Variants in KIAA1614 observed in about 807,000 individuals in gnomAD.
KIAA1614 encodes the protein KIAA1614.
In KIAA1614, 76 loss-of-function variants were observed where a neutral mutation model predicts 88.7. The ratio of observed to expected loss-of-function variants is 0.86; its 90% CI spans 0.71 to 1.04. The LOEUF (loss-of-function observed/expected upper bound fraction) is 1.04, where lower values mean the gene tolerates loss of function less well. KIAA1614 is among the 50% of genes least tolerant of loss of function. KIAA1614 has a pLI of 0.00. For missense variants in KIAA1614, 1,553 were observed against 1,582.5 expected, an observed-to-expected ratio of 0.98 and a Z score of 0.32; for synonymous variants, 714 against 675.5, an observed-to-expected ratio of 1.06 and a Z score of -0.88.
chr1:180,927,994 G>A (rs1010870313), intron 3 of KIAA1614, among the ~76,000 whole-genome samples: 3 of 152,206 alleles, frequency 2.0e-5, no homozygotes, highest in African/African-American at 7.2e-5. Flanking sequence ...AGAGACAGAA[G>A]GAGAGAGAGG....
chr1:180,943,548 A>ATGTTTTTTTTT (rs201999726), intron 7 of KIAA1614, among the ~76,000 whole-genome samples: 1 of 74,862 alleles, frequency 1.3e-5, no homozygotes, highest in African/African-American at 5.6e-5. Context: ...ATGGTAGTAG[A>ATGTTTTTTTTT]TCTTTTTTTT....
chr1:180,940,639 C>T (rs949705237), intron 6 of KIAA1614, among the ~76,000 whole-genome samples: 2 of 151,556 alleles, frequency 1.3e-5, no homozygotes, highest in Admixed American at 6.6e-5. Context: ...TCTTTCTTTT[C>T]TTTTCTTTTC....
intron 3 of KIAA1614, among the ~76,000 whole-genome samples, chr1:180,927,457 G>A (rs1329727516): frequency 6.6e-6 from 1 of 152,220 alleles, no homozygotes; most frequent in Admixed American, 6.5e-5. Context: ...TGCAATTGAC[G>A]TTCGACCTTG....
rs1180328581 is a variant in KIAA1614, at chr1:180,946,264, C to A, written c.*676C>A. ...CCTCCGGCTGTGGAGTATGTCTGGG[C>A]ACGTGGAGCATGCCTGTCTGTCTCT... On this transcript the variant is annotated 3_prime_UTR_variant, in exon 9 of 9. Coordinates refer to ENST00000367588, the MANE Select transcript of KIAA1614 (RefSeq NM_020950.2). 6.6e-6 allele frequency: 1 copy of A among 152,242 alleles called. No individual in the cohort carries two copies. Among genetic ancestry groups the A allele is most frequent in the Non-Finnish European group, 1.5e-5 (1 of 68,102 alleles). The allele number at this position is 152,242 out of a possible 1,614,324, so 9.4% of individuals were successfully genotyped here. A position where few individuals can be genotyped will look rare whatever the true frequency, so the allele number is the denominator to read the frequency against.
At chr1:180,914,036 A>G (rs1653721350) in intron 1 of KIAA1614, 1 of 152,188 alleles carries the variant, frequency 6.6e-6, no homozygotes. Flanking sequence ...ATAAACGACT[A>G]CAGAGAGACT....
intron 8 of KIAA1614, 60 bp downstream of exon 8, chr1:180,944,576 G>T: frequency 6.4e-7 from 1 of 1,567,742 alleles, no homozygotes. Context: ...GGAGCCAAAA[G>T]CTTAACTCCT....
chr1:180,914,919 G>A (rs12069159), intron 1 of KIAA1614, among the ~76,000 whole-genome samples: 4,416 of 150,902 alleles, frequency 0.029, 211 homozygotes, highest in African/African-American at 0.1. Context: ...CACCCGCCTC[G>A]GCCTCCCAAA....
chr1:180,933,488 CAA>C (rs1471430370), intron 4 of KIAA1614, among the ~76,000 whole-genome samples: 2 of 152,148 alleles, frequency 1.3e-5, no homozygotes, highest in Non-Finnish European at 2.9e-5. Flanking sequence ...ATGAAAGAAA[CAA>C]GAGATGGAAT....
At chr1:180,941,323 T>G (rs546480411) in intron 7 of KIAA1614, 38 bp downstream of exon 7, 1 of 1,573,426 alleles carries the variant, frequency 6.4e-7, no homozygotes, top group Non-Finnish European at 8.7e-7. Flanking sequence ...GTGAAGCCAG[T>G]AGCGGTGCAA....
intron 6 of KIAA1614, among the ~76,000 whole-genome samples, chr1:180,939,623 T>G (rs1031422910): frequency 3.3e-5 from 5 of 152,216 alleles, no homozygotes; most frequent in Admixed American, 6.5e-5. Flanking sequence ...ACCTGCTCTC[T>G]GCCTTCACTC....
chr1:180,928,224 G>A (rs1654111459), intron 3 of KIAA1614: 17 of 548,006 alleles, frequency 3.1e-5, no homozygotes, highest in Non-Finnish European at 1.2e-5. Context: ...CCCATCCAGA[G>A]CCACGCAGGG....
Position 180,944,478 on chromosome 1 carries a change from C to A in KIAA1614, c.3249C>A (p.Tyr1083Ter), listed in dbSNP as rs766698813. 1 of 1,613,820 alleles carries A rather than the reference C, an allele frequency of 6.2e-7. No individual in the cohort carries two copies. The highest frequency in any genetic ancestry group is 1.3e-5 in the African/African-American group (1 of 74,940). ...GCAAGGGGAACCGGTCCAGCCTCTA[C>A]CTGGTAGCAGGGCCAGGGGACCACA... ...LSSKGNRSSL[Y>*]LVAGPGDHSA... The change falls in exon 8 of 9, where the codon TAC (tyrosine) becomes TAA (stop). Residue 1083 changes from tyrosine (Y) to a stop codon, truncating the protein, a stop_gained. Coordinates refer to ENST00000367588, the MANE Select transcript of KIAA1614 (RefSeq NM_020950.2). LOFTEE classifies it low-confidence loss of function (END_TRUNC).
intron 6 of KIAA1614, 73 bp downstream of exon 6, chr1:180,938,784 C>A: frequency 6.8e-7 from 1 of 1,479,398 alleles, no homozygotes; most frequent in Non-Finnish European, 9.3e-7. Context: ...ACAGAGACCC[C>A]CTGGAGTGGT....
At chr1:180,942,998 G>A (rs1165262777) in intron 7 of KIAA1614, among the ~76,000 whole-genome samples, 1 of 151,184 alleles carries the variant, frequency 6.6e-6, no homozygotes, top group Non-Finnish European at 1.5e-5. Flanking sequence ...GCTGCCAAGA[G>A]TGTGTTTGCT....
intron 3 of KIAA1614, among the ~76,000 whole-genome samples, chr1:180,920,948 T>G (rs144571750): frequency 0.014 from 2,112 of 152,334 alleles, 20 homozygotes; most frequent in Non-Finnish European, 0.022. Flanking sequence ...ATTTTTGAGC[T>G]CTTATTATGT....
rs375947184 is a variant in KIAA1614 at position 180,928,590 on chromosome 1, C to T, written c.1205+17C>T. 7 of 1,607,350 alleles carry T rather than the reference C, an allele frequency of 4.4e-6. No homozygotes were observed. In the African/African-American group the frequency reaches 5.3e-5, roughly 12 times the overall value. ...GGGCAGCCGGTGAGTGGGACCTGGG[C>T]CAGGCTAGCCTGGGAGGGCCATAGC... On this transcript the variant is annotated intron_variant, in intron 4 of 8. Coordinates refer to ENST00000367588, the MANE Select transcript of KIAA1614 (RefSeq NM_020950.2).
At position 180,945,633 on chromosome 1, in the gene KIAA1614, A is replaced by C. The variant is rs535566523; in HGVS notation, c.*45A>C. 2.2e-4 allele frequency: 334 copies of C among 1,539,656 alleles called. 5 individuals carry two copies. The South Asian group carries it at 3.3e-3, about 15-fold the overall frequency. On this transcript the variant is annotated 3_prime_UTR_variant, in exon 9 of 9. Coordinates refer to ENST00000367588, the MANE Select transcript of KIAA1614 (RefSeq NM_020950.2). ...TCAGAAAGCCTCTGACTACAGGACT[A>C]GGCTTCTCCCCTCAGGGGCTCTTTC...
intron 5 of KIAA1614, 74 bp from the exon 6 acceptor site, chr1:180,938,481 G>A (rs1654379976): frequency 2.6e-6 from 4 of 1,516,020 alleles, no homozygotes; most frequent in Admixed American, 1.8e-5. Flanking sequence ...CCTGTTGCTG[G>A]GAATGTCCCA....
At chr1:180,940,479 C>T (rs561467546) in intron 6 of KIAA1614, among the ~76,000 whole-genome samples, 1 of 151,984 alleles carries the variant, frequency 6.6e-6, no homozygotes, top group South Asian at 2.1e-4. Context: ...CCAGTCTGGG[C>T]AGCAGAGTGA....
Sources: gnomAD v4.1 joint callset for allele counts (sites outside exome capture counted in the v4.1 genomes callset) on GRCh38, gnomAD v4.1.1 for gene constraint, MANE v1.5 for transcripts, NCBI Gene and HGNC (gene_info 2026-07-23, HGNC 2026-07-21) for gene names.